The following GABRG3 variants were observed in gnomAD, a reference collection of about 807,000 sequenced individuals.
GABRG3 encodes the protein gamma-aminobutyric acid receptor subunit gamma-3.
GABRG3 carries 25 observed loss-of-function variants against 48.8 expected under a neutral mutation model. The observed-to-expected ratio is 0.51, with a 90% CI of 0.37 to 0.72. The LOEUF (loss-of-function observed/expected upper bound fraction) is 0.72, where lower values mean the gene tolerates loss of function less well. Ranked by LOEUF, GABRG3 falls within the 30% of genes least tolerant of loss-of-function variation. The probability of loss-of-function intolerance (pLI) is 0.00; values close to 1 mark genes in which losing one functional copy is unlikely to be tolerated. For missense variants in GABRG3, 394 were observed against 577.9 expected (o/e 0.68, Z 3.26); for synonymous variants, 227 against 217.6 (o/e 1.04, Z -0.38).
At chr15:27,102,073 A>C (rs1009017158) in intron 3 of GABRG3, among the ~76,000 whole-genome samples, 3 of 151,728 alleles carry the variant, frequency 2.0e-5, no homozygotes, top group Non-Finnish European at 2.9e-5. Context: ...CATGTGAACC[A>C]AGCCACGCCA....
At position 27,283,836 on chromosome 15, in the gene GABRG3, G is replaced by A. The variant is rs973008385; in HGVS notation, c.271-42973G>A. On this transcript the variant is annotated intron_variant, in intron 3 of 9. Transcript: ENST00000615808. ...CTGCTTTCTTCTTCTTACCTTTCAG[G>A]GTCGTCTTTCACAAATTATGAGTGT... Among the ~76,000 whole-genome samples, 3 of 152,116 alleles carry A rather than the reference G, an allele frequency of 2.0e-5. No homozygotes were observed. The East Asian group carries it at 5.8e-4, about 29-fold the overall frequency.
In GABRG3 at chr15:27,152,836, TAAATCTATGATCCTTTTCGAGTTAA is replaced by T. The variant is rs1595554316; in HGVS notation, c.270+126016_270+126040del. 1.3e-4 allele frequency among the ~76,000 whole-genome samples: 20 copies of T among 152,234 alleles called. No homozygotes were observed. The East Asian group carries it at 2.5e-3, about 19-fold the overall frequency. The stretch of plus-strand genomic sequence containing the variant: ...AATTTTTCTTGTATAGTTTTACATT[TAAATCTATGATCCTTTTCGAGTTAA>T]TTTTTTTTTTTTTTTTTGAGATGGA... On this transcript the variant is annotated intron_variant, in intron 3 of 9. Transcript: ENST00000615808.
intron 3 of GABRG3, among the ~76,000 whole-genome samples, chr15:27,133,381 T>G (rs1897954631): frequency 6.6e-6 from 1 of 152,220 alleles, no homozygotes; most frequent in African/African-American, 2.4e-5. Flanking sequence ...TTATGTATTA[T>G]TAATGGAGAC....
At chr15:27,424,844 G>A (rs1269797353) in intron 5 of GABRG3, among the ~76,000 whole-genome samples, 6 of 152,034 alleles carry the variant, frequency 3.9e-5, no homozygotes, top group East Asian at 1.9e-4. Flanking sequence ...GTGAACCACC[G>A]AACCTGGCCA....
chr15:27,145,653 CT>C (rs1566946690), intron 3 of GABRG3, among the ~76,000 whole-genome samples: 2 of 150,406 alleles, frequency 1.3e-5, no homozygotes, highest in African/African-American at 5.0e-5. Flanking sequence ...ATCTATCTAT[CT>C]ATCTATCTAT....
chr15:27,244,226 T>C (rs1036354123), intron 3 of GABRG3, among the ~76,000 whole-genome samples: 2 of 152,196 alleles, frequency 1.3e-5, no homozygotes, highest in African/African-American at 4.8e-5. Context: ...GTGGGAGTTG[T>C]GGTTTACATA....
intron 2 of GABRG3, among the ~76,000 whole-genome samples, chr15:27,011,451 A>G (rs1370287626): frequency 1.3e-5 from 2 of 151,992 alleles, no homozygotes; most frequent in Admixed American, 6.6e-5. Context: ...ACAGCATTTT[A>G]TTTGATAGTA....
At position 27,328,896 on chromosome 15, in the gene GABRG3, C is replaced by A; in HGVS notation, c.574+8C>A. On this transcript the variant is annotated splice_region_variant and intron_variant, in intron 5 of 9. Coordinates refer to ENST00000615808, the MANE Select transcript of GABRG3 (RefSeq NM_033223.5). ...CGCTGATTTTCTCCAGCTGTGAGTA[C>A]CAGTCCAAGCCCGGGGTGTGCATGC... 6.2e-7 allele frequency: 1 copy of A among 1,611,812 alleles called. No homozygotes were observed. The highest frequency in any genetic ancestry group is 1.1e-5 in the South Asian group (1 of 91,032).
At chr15:27,253,306 C>T (rs565997951) in intron 3 of GABRG3, among the ~76,000 whole-genome samples, 1 of 152,328 alleles carries the variant, frequency 6.6e-6, no homozygotes, top group Non-Finnish European at 1.5e-5. Flanking sequence ...CTCCACACCC[C>T]AGCCCTGGGA....
At chr15:27,151,553 G>T (rs1477475095) in intron 3 of GABRG3, among the ~76,000 whole-genome samples, 1 of 152,218 alleles carries the variant, frequency 6.6e-6, no homozygotes, top group East Asian at 1.9e-4. Context: ...GACTTTGAAG[G>T]TGTGATTTGG....
At chr15:27,249,467 A>G (rs1275448668) in intron 3 of GABRG3, among the ~76,000 whole-genome samples, 1 of 152,220 alleles carries the variant, frequency 6.6e-6, no homozygotes, top group African/African-American at 2.4e-5. Flanking sequence ...TGACAGATAA[A>G]GTACCTTCTT....
intron 3 of GABRG3, among the ~76,000 whole-genome samples, chr15:27,121,600 CTA>C (rs1033040444): frequency 6.6e-5 from 10 of 152,212 alleles, no homozygotes; most frequent in Admixed American, 6.5e-4. Flanking sequence ...GTGCACCCCT[CTA>C]AATGCTGTGC....
chr15:27,265,377 A>G (rs995292601), intron 3 of GABRG3, among the ~76,000 whole-genome samples: 4 of 152,260 alleles, frequency 2.6e-5, no homozygotes, highest in Non-Finnish European at 5.9e-5. Context: ...AACCAGCCGT[A>G]CAAAAAACAC....
At chr15:27,073,843 C>T (rs1489247170) in intron 3 of GABRG3, among the ~76,000 whole-genome samples, 3 of 152,192 alleles carry the variant, frequency 2.0e-5, no homozygotes, top group Non-Finnish European at 4.4e-5. Flanking sequence ...AGGATCACTG[C>T]CAAGCCCTCG....
At chr15:27,528,874 T>G (rs145100440) in intron 9 of GABRG3, among the ~76,000 whole-genome samples, 1 of 152,162 alleles carries the variant, frequency 6.6e-6, no homozygotes, top group Non-Finnish European at 1.5e-5. Flanking sequence ...TAGTCACATA[T>G]AGGATATATT....
intron 6 of GABRG3, among the ~76,000 whole-genome samples, chr15:27,500,996 G>T (rs1406286893): frequency 3.1e-5 from 4 of 130,478 alleles, no homozygotes; most frequent in African/African-American, 1.2e-4. Flanking sequence ...TCTGTCCCCA[G>T]GCTGGAGTGC....
chr15:27,383,365 T>G (rs1021064604), intron 5 of GABRG3, among the ~76,000 whole-genome samples: 1 of 152,234 alleles, frequency 6.6e-6, no homozygotes, highest in Non-Finnish European at 1.5e-5. Flanking sequence ...CTTATTTTTA[T>G]AGAGCCCTGT....
chr15:27,218,392 A>G (rs954912023), intron 3 of GABRG3, among the ~76,000 whole-genome samples: 1 of 152,176 alleles, frequency 6.6e-6, no homozygotes, highest in Non-Finnish European at 1.5e-5. Context: ...TCTTATTCAG[A>G]AAAGGGGAAT....
At chr15:27,280,645 A>G (rs892821657) in intron 3 of GABRG3, among the ~76,000 whole-genome samples, 5 of 152,124 alleles carry the variant, frequency 3.3e-5, no homozygotes, top group Non-Finnish European at 7.4e-5. Flanking sequence ...CTTTCTTGTA[A>G]TCTTTCTGTA....
Sources: gnomAD v4.1 joint callset for allele counts (sites outside exome capture counted in the v4.1 genomes callset) on GRCh38, gnomAD v4.1.1 for gene constraint, MANE v1.5 for transcripts, NCBI Gene and HGNC (gene_info 2026-07-23, HGNC 2026-07-21) for gene names.